Variants in SV2C observed in about 807,000 individuals in gnomAD.
The protein encoded by SV2C is synaptic vesicle glycoprotein 2C.
SV2C carries 49 observed loss-of-function variants against 79.7 expected under a neutral mutation model. The observed-to-expected ratio is 0.61, with a 90% CI of 0.49 to 0.78. SV2C has a LOEUF of 0.78. Among genes scored for constraint, SV2C ranks in the 30% least tolerant of loss-of-function variants. The pLI, the probability that SV2C is intolerant of heterozygous loss-of-function variation, is 0.00. For synonymous variants in SV2C, 334 were observed against 333.2 expected, an observed-to-expected ratio of 1.00 and a Z score of -0.03; for missense variants, 833 against 912.9, an observed-to-expected ratio of 0.91 and a Z score of 1.13.
rs1747119746 is a variant in SV2C, at chr5:76,279,537, CA to C, written c.914-5624del. 3.3e-5 allele frequency among the ~76,000 whole-genome samples: 5 copies of C among 152,202 alleles called. No individual in the cohort carries two copies. In the South Asian group the frequency reaches 1.0e-3, roughly 31 times the overall value. On this transcript the variant is annotated intron_variant, in intron 4 of 12. Coordinates refer to ENST00000502798, the MANE Select transcript of SV2C (RefSeq NM_014979.4). The stretch of plus-strand genomic sequence containing the variant: ...GTTTTACAAAAAACAGTGGAATGGA[CA>C]GCTATACAGAATGATTTAGAGAGTT...
intron 4 of SV2C, among the ~76,000 whole-genome samples, chr5:76,275,046 C>T (rs1040941544): frequency 1.3e-5 from 2 of 152,136 alleles, no homozygotes; most frequent in Admixed American, 6.5e-5. Flanking sequence ...CAAATCAATA[C>T]AGGTGATTTA....
At chr5:75,939,978 G>A in the SV2C span, among the ~76,000 whole-genome samples, 3 of 151,920 alleles carry the variant, frequency 2.0e-5, no homozygotes, top group Non-Finnish European at 2.9e-5. Flanking sequence ...TCCTTCCATC[G>A]TCCTGAGAAC....
the SV2C span, among the ~76,000 whole-genome samples, chr5:75,952,741 T>C: frequency 6.6e-6 from 1 of 151,936 alleles, no homozygotes; most frequent in Non-Finnish European, 1.5e-5. Flanking sequence ...TGGCAGTGCC[T>C]TGTTTCCTGT....
chr5:76,197,820 G>C (rs1744318779), intron 3 of SV2C, among the ~76,000 whole-genome samples: 1 of 152,108 alleles, frequency 6.6e-6, no homozygotes, highest in Non-Finnish European at 1.5e-5. Context: ...AGCTGGAAAT[G>C]CTGGGATGCC....
the SV2C span, among the ~76,000 whole-genome samples, chr5:76,031,041 T>C: frequency 1.3e-5 from 2 of 152,216 alleles, no homozygotes. Context: ...TTCATCAGCA[T>C]ATCATGATAT....
intron 2 of SV2C, among the ~76,000 whole-genome samples, chr5:76,144,837 T>C (rs1049637271): frequency 6.6e-6 from 1 of 152,180 alleles, no homozygotes; most frequent in Non-Finnish European, 1.5e-5. Flanking sequence ...TTTTTTTTGT[T>C]TTTTGTTTTT....
intron 12 of SV2C, among the ~76,000 whole-genome samples, chr5:76,312,754 C>T (rs991274507): frequency 6.6e-6 from 1 of 152,302 alleles, no homozygotes; most frequent in African/African-American, 2.4e-5. Flanking sequence ...CCCCTTATGC[C>T]CCCTTATGCA....
chr5:76,006,992 T>C, the SV2C span, among the ~76,000 whole-genome samples: 1 of 152,120 alleles, frequency 6.6e-6, no homozygotes, highest in South Asian at 2.1e-4. Flanking sequence ...ACTCACTTAA[T>C]CCTCACAACA....
At chr5:76,245,701 T>A (rs896300816) in intron 4 of SV2C, among the ~76,000 whole-genome samples, 7 of 152,204 alleles carry the variant, frequency 4.6e-5, no homozygotes, top group African/African-American at 7.2e-5. Context: ...TAACTCTATA[T>A]GCTAATTGAA....
At chr5:75,933,416 C>A in the SV2C span, among the ~76,000 whole-genome samples, 1 of 152,170 alleles carries the variant, frequency 6.6e-6, no homozygotes, top group African/African-American at 2.4e-5. Flanking sequence ...CATTTGGCCC[C>A]GTTCTTGTCC....
the SV2C span, among the ~76,000 whole-genome samples, chr5:75,969,716 T>C: frequency 2.0e-5 from 3 of 152,018 alleles, no homozygotes; most frequent in Admixed American, 1.3e-4. Flanking sequence ...TCCCACTCAA[T>C]AATAATGGGA....
intron 2 of SV2C, among the ~76,000 whole-genome samples, chr5:76,134,647 T>G (rs186777032): frequency 2.6e-5 from 4 of 152,314 alleles, no homozygotes; most frequent in Non-Finnish European, 5.9e-5. Flanking sequence ...TCTCTTTGTG[T>G]TTGCTAAAAG....
intron 4 of SV2C, among the ~76,000 whole-genome samples, chr5:76,283,020 A>G (rs1747243991): frequency 6.6e-6 from 1 of 151,946 alleles, no homozygotes; most frequent in Admixed American, 6.6e-5. Context: ...TCAACAAAAC[A>G]AAACAAAAAC....
At chr5:76,136,427 G>A (rs1047090056) in intron 2 of SV2C, among the ~76,000 whole-genome samples, 7 of 152,176 alleles carry the variant, frequency 4.6e-5, no homozygotes, top group African/African-American at 1.7e-4. Context: ...AGTACATTGA[G>A]AGGATATTCT....
the SV2C span, among the ~76,000 whole-genome samples, chr5:75,861,608 A>T: frequency 6.6e-6 from 1 of 150,576 alleles, no homozygotes; most frequent in East Asian, 1.9e-4. Context: ...TAAAAAAAAC[A>T]TGGTACATAC....
chr5:75,987,455 G>A, the SV2C span, among the ~76,000 whole-genome samples: 5 of 152,034 alleles, frequency 3.3e-5, no homozygotes, highest in Admixed American at 2.6e-4. Flanking sequence ...ATACCAAAAC[G>A]CTAAAGATGA....
the SV2C span, among the ~76,000 whole-genome samples, chr5:76,051,804 C>T: frequency 6.6e-6 from 1 of 151,906 alleles, no homozygotes; most frequent in African/African-American, 2.4e-5. Context: ...TTCAATTGAT[C>T]CATGATTGTA....
At chr5:76,346,571 T>C (rs1436425543) in intron 12 of SV2C, among the ~76,000 whole-genome samples, 2 of 152,222 alleles carry the variant, frequency 1.3e-5, no homozygotes, top group Non-Finnish European at 2.9e-5. Flanking sequence ...TACGTGGCAG[T>C]CGCTGCGGTC....
chr5:76,262,988 T>G (rs995189612), intron 4 of SV2C, among the ~76,000 whole-genome samples: 3 of 152,238 alleles, frequency 2.0e-5, no homozygotes, highest in Non-Finnish European at 4.4e-5. Flanking sequence ...AATATCCTTG[T>G]TAATTTTCTG....
Sources: allele counts gnomAD v4.1 joint callset (sites outside exome capture counted in the v4.1 genomes callset), GRCh38; gene constraint gnomAD v4.1.1; transcripts MANE v1.5; gene names NCBI Gene and HGNC (gene_info 2026-07-23, HGNC 2026-07-21).